Variants in STX6 observed in about 807,000 individuals in gnomAD.
STX6 encodes the protein syntaxin 6, also known as syntaxin-6.
A neutral mutation model predicts 38.0 loss-of-function variants in STX6; 23 were observed. The observed-to-expected ratio is 0.60, with a 90% confidence interval of 0.43 to 0.86. The LOEUF is 0.86. Ranked by LOEUF, STX6 falls within the 40% of genes least tolerant of loss-of-function variation. STX6 has a pLI of 0.00. For missense variants in STX6, 274 were observed against 312.9 expected (o/e 0.88, Z 0.94); for synonymous variants, 123 against 107.5 (o/e 1.14, Z -0.89).
chr1:180,987,394 C>T (rs1187886554), intron 6 of STX6, among the ~76,000 whole-genome samples: 5 of 152,232 alleles, frequency 3.3e-5, no homozygotes, highest in South Asian at 2.1e-4. Context: ...AATGACCCCT[C>T]GCCACTTACC....
chr1:180,984,063 CAAAAAAAAAAAA>C (rs10625558), intron 7 of STX6, among the ~76,000 whole-genome samples: 5 of 7,166 alleles, frequency 7.0e-4, no homozygotes, highest in East Asian at 3.5e-3. Context: ...GGCTCCATCT[CAAAAAAAAAAAA>C]AAAAAAAAAA....
At position 181,022,832 on chromosome 1, in the gene STX6, C is replaced by A; in HGVS notation, c.-159G>T. The A allele has an allele frequency of 1.5e-6, 1 of 671,828 alleles. No homozygotes were observed. The highest frequency in any genetic ancestry group is 2.5e-6 in the Non-Finnish European group (1 of 399,220). The allele number at this position is 671,828 out of a possible 1,614,324, so 41.6% of individuals were successfully genotyped here. On this transcript the variant is annotated 5_prime_UTR_variant, in exon 1 of 8. Transcript: ENST00000258301. ...CGCACAGGCCAGGTGCACAGGACGG[C>A]CGCTGGTCCAGCACTCGCTCAGCAC...
intron 5 of STX6, chr1:180,988,576 G>T: frequency 4.7e-6 from 2 of 429,484 alleles, no homozygotes; most frequent in Non-Finnish European, 4.3e-6. Flanking sequence ...AGTCAGCGGG[G>T]CTTGAAACCA....
chr1:180,982,959 T>G (rs367636166), intron 7 of STX6, among the ~76,000 whole-genome samples: 1 of 152,272 alleles, frequency 6.6e-6, no homozygotes, highest in Admixed American at 6.5e-5. Flanking sequence ...TGACTCTAGA[T>G]AGGAGCTTCT....
chr1:181,012,709 T>C (rs186504415), intron 1 of STX6, among the ~76,000 whole-genome samples: 178 of 146,766 alleles, frequency 1.2e-3, no homozygotes, highest in African/African-American at 4.4e-3. Flanking sequence ...AATTTCACTC[T>C]TGTTGCCCTG....
rs570988597 is a variant in STX6 at position 180,976,752 on chromosome 1, G to A, written c.692-106C>T. 583 of 1,049,538 alleles carry A rather than the reference G, an allele frequency of 5.6e-4. 1 individual carries two copies. Among genetic ancestry groups the A allele is most frequent in the Middle Eastern group, 2.4e-3 (12 of 4,972 alleles). 65.0% of individuals were successfully genotyped at this position (1,049,538 alleles called of 1,614,324 possible). A position where few individuals can be genotyped will look rare whatever the true frequency, so the allele number is the denominator to read the frequency against. On this transcript the variant is annotated intron_variant, in intron 7 of 7. Transcript: ENST00000258301. ...CTTTGAAGCAGAAAAGGGGCAGAAC[G>A]TGCAAATGACGGGGCCATGATCTTA...
At chr1:181,004,350 C>T (rs1375947105) in intron 2 of STX6, among the ~76,000 whole-genome samples, 3 of 152,198 alleles carry the variant, frequency 2.0e-5, no homozygotes, top group Admixed American at 6.5e-5. Context: ...TAGATAGCCT[C>T]AGGACGAGGG....
Position 181,006,380 on chromosome 1 carries a change from G to A in STX6, c.36-917C>T, listed in dbSNP as rs1293517099. ...GCCCAGCCACATTAGTGTTTTTCTT[G>A]TTTAGAGAATGAGACTAGGCCATTA... On this transcript the variant is annotated intron_variant, in intron 1 of 7. Coordinates refer to ENST00000258301, the MANE Select transcript of STX6 (RefSeq NM_005819.6). 2.7e-5 allele frequency among the ~76,000 whole-genome samples: 4 copies of A among 150,668 alleles called. No individual in the cohort carries two copies. The East Asian group carries it at 5.8e-4, about 22-fold the overall frequency.
chr1:181,007,852 AAT>A (rs934383780), intron 1 of STX6, among the ~76,000 whole-genome samples: 1 of 152,232 alleles, frequency 6.6e-6, no homozygotes, highest in Non-Finnish European at 1.5e-5. Context: ...ACATGTTAAC[AAT>A]GTTTTTATTT....
chr1:181,015,986 G>C (rs1369789052), intron 1 of STX6, among the ~76,000 whole-genome samples: 1 of 152,200 alleles, frequency 6.6e-6, no homozygotes, highest in Non-Finnish European at 1.5e-5. Context: ...TGTAGAATCA[G>C]AAGATCTGGG....
Position 181,022,821 on chromosome 1 carries a change from G to T in STX6, c.-148C>A. The T allele has an allele frequency of 1.4e-6, 1 of 711,230 alleles. No homozygotes were observed. Among genetic ancestry groups the T allele is most frequent in the Non-Finnish European group, 2.3e-6 (1 of 428,126 alleles). 44.1% of individuals were successfully genotyped at this position (711,230 alleles called of 1,614,324 possible). The stretch of plus-strand genomic sequence containing the variant: ...CAGCGGGCACGCGCACAGGCCAGGT[G>T]CACAGGACGGCCGCTGGTCCAGCAC... On this transcript the variant is annotated 5_prime_UTR_variant, in exon 1 of 8. Coordinates refer to ENST00000258301, the MANE Select transcript of STX6 (RefSeq NM_005819.6).
rs1655155243 is a variant in STX6, at chr1:180,972,765, T to C, written c.*3805A>G. 2.6e-6 allele frequency: 1 copy of C among 389,428 alleles called. No homozygotes were observed. Among genetic ancestry groups the C allele is most frequent in the South Asian group, 1.9e-5 (1 of 51,466 alleles). The allele number at this position is 389,428 out of a possible 1,614,324, so 24.1% of individuals were successfully genotyped here. ...TTTATTTTCCTTTTCCGGAGACTTT[T>C]GTACATACTGTTGTCCTGAGTAACA... On this transcript the variant is annotated 3_prime_UTR_variant, in exon 8 of 8. Coordinates refer to ENST00000258301, the MANE Select transcript of STX6 (RefSeq NM_005819.6).
At chr1:181,017,399 AC>A (rs1656594261) in intron 1 of STX6, among the ~76,000 whole-genome samples, 2 of 150,980 alleles carry the variant, frequency 1.3e-5, no homozygotes, top group African/African-American at 4.8e-5. Flanking sequence ...TCTCAAAAAA[AC>A]AAACAAACAA....
rs1655170953 is a variant in STX6, at chr1:180,973,319, TGAA to T, written c.*3248_*3250del. The T allele has an allele frequency of 6.6e-6, 1 of 152,548 alleles. No individual in the cohort carries two copies. Among genetic ancestry groups the T allele is most frequent in the South Asian group, 2.1e-4 (1 of 4,836 alleles). 9.4% of individuals were successfully genotyped at this position (152,548 alleles called of 1,614,324 possible). ...TCAATTTTTTGATCTTCAAATGTTA[TGAA>T]TTCTCCAAAAAGGTAACAGGGAACA... On this transcript the variant is annotated 3_prime_UTR_variant, in exon 8 of 8. Transcript: ENST00000258301.
At position 180,984,700 on chromosome 1, in the gene STX6, G is replaced by C. The variant is rs776185984; in HGVS notation, c.668C>G (p.Ala223Gly). 4 of 1,572,956 alleles carry C rather than the reference G, an allele frequency of 2.5e-6. No homozygotes were observed. Among genetic ancestry groups the C allele is most frequent in the Admixed American group, 1.7e-5 (1 of 59,606 alleles). ...ACCACTGGTCATATGAGATACTTTT[G>C]CAAGTTTCTTCATCACATTGTCCAG... is the stretch of plus-strand genomic sequence containing the variant. ...SRLDNVMKKL[A>G]KVSHMTSDRR... The change falls in exon 7 of 8, where the codon GCA becomes GGA. Residue 223 changes from alanine to glycine, a missense_variant. Ala to Gly is a moderately conservative substitution (Grantham distance 60, BLOSUM62 0). Coordinates refer to ENST00000258301, the MANE Select transcript of STX6 (RefSeq NM_005819.6).
chr1:180,990,396 T>C (rs1027758254), intron 4 of STX6, among the ~76,000 whole-genome samples: 1 of 152,192 alleles, frequency 6.6e-6, no homozygotes, highest in African/African-American at 2.4e-5. Context: ...ATCTATATAC[T>C]GTGTTATAAT....
rs1274551518 is a variant in STX6 at position 180,975,571 on chromosome 1, A to T, written c.*999T>A. The T allele has an allele frequency of 1.3e-5, 2 of 152,544 alleles. No homozygotes were observed. The highest frequency in any genetic ancestry group is 1.5e-5 in the Non-Finnish European group (1 of 68,030). The allele number at this position is 152,544 out of a possible 1,614,324, so 9.4% of individuals were successfully genotyped here. On this transcript the variant is annotated 3_prime_UTR_variant, in exon 8 of 8. Transcript: ENST00000258301. ...CCCAGAGCTAACCTTTTATGTCATT[A>T]CGTTTCTTAATAAATGTAATAAATG...
At chr1:180,993,223 C>T in intron 4 of STX6, 140 bp downstream of exon 4, 1 of 567,978 alleles carries the variant, frequency 1.8e-6, no homozygotes, top group Non-Finnish European at 3.1e-6. Flanking sequence ...TGTCACAAAA[C>T]CTCCCATGGT....
chr1:180,998,816 T>A (rs146232426), intron 3 of STX6, among the ~76,000 whole-genome samples: 1 of 152,242 alleles, frequency 6.6e-6, no homozygotes, highest in Non-Finnish European at 1.5e-5. Flanking sequence ...CAATCTATCA[T>A]GCCAAAAACA....
Sources: gnomAD v4.1 joint callset for allele counts (sites outside exome capture counted in the v4.1 genomes callset) on GRCh38, gnomAD v4.1.1 for gene constraint, MANE v1.5 for transcripts, NCBI Gene and HGNC (gene_info 2026-07-23, HGNC 2026-07-21) for gene names.